Variants in TIAL1 observed in about 807,000 individuals in gnomAD.
TIAL1 encodes TIA1 cytotoxic granule associated RNA binding protein like 1.
TIAL1 carries 7 observed loss-of-function variants against 59.7 expected under a neutral mutation model. The ratio of observed to expected loss-of-function variants is 0.12; its 90% CI spans 0.07 to 0.22. The LOEUF (loss-of-function observed/expected upper bound fraction) is 0.22. Ranked by LOEUF, TIAL1 falls within the 10% of genes least tolerant of loss-of-function variation. The pLI is 1.00. For synonymous variants in TIAL1, 149 were observed against 146.3 expected (o/e 1.02, Z -0.13); for missense variants, 225 against 462.5 (o/e 0.49, Z 4.71).
chr10:119,586,859 A>C (rs1209959325), intron 2 of TIAL1, among the ~76,000 whole-genome samples: 1 of 152,198 alleles, frequency 6.6e-6, no homozygotes, highest in Non-Finnish European at 1.5e-5. Flanking sequence ...GACATCTCTC[A>C]TCACCTAGCC....
At chr10:119,584,042 T>C (rs1019581321) in intron 2 of TIAL1, among the ~76,000 whole-genome samples, 1 of 152,154 alleles carries the variant, frequency 6.6e-6, no homozygotes, top group African/African-American at 2.4e-5. Context: ...ACACTGATAA[T>C]CACAGCAAAA....
chr10:119,576,509 C>T (rs975622655), intron 11 of TIAL1, 102 bp downstream of exon 11: 29 of 1,444,898 alleles, frequency 2.0e-5, no homozygotes, highest in Non-Finnish European at 2.6e-5. Context: ...TGCCAAATAG[C>T]TCAATGTATA....
chr10:119,588,839 C>A (rs912652909), intron 1 of TIAL1, among the ~76,000 whole-genome samples: 1 of 152,130 alleles, frequency 6.6e-6, no homozygotes, highest in Admixed American at 6.5e-5. Flanking sequence ...ATTCTGTACC[C>A]TGGATATCAT....
At chr10:119,590,782 A>G (rs144253274) in intron 1 of TIAL1, among the ~76,000 whole-genome samples, 26 of 131,690 alleles carry the variant, frequency 2.0e-4, no homozygotes, top group African/African-American at 7.5e-4. Flanking sequence ...GAAAGAAAGA[A>G]AGAAAGAAAG....
Position 119,596,639 on chromosome 10 carries a change from CAGGAGGAGCAGG to C in TIAL1, c.-186_-175del. Reference sequence around the variant, plus strand: ...CCCGCTCCGGACACTGCGCTCCAACCAGGAGGAGCAGGAGGAGGAGGAGGATGAACAAAATGG... The same window carrying C: ...CCCGCTCCGGACACTGCGCTCCAACCAGGAGGAGGAGGATGAACAAAATGG... On this transcript the variant is annotated 5_prime_UTR_variant, in exon 1 of 12. Coordinates refer to ENST00000436547, the MANE Select transcript of TIAL1 (RefSeq NM_003252.4). 1.7e-6 allele frequency: 1 copy of C among 600,920 alleles called. No homozygotes were observed. The highest frequency in any genetic ancestry group is 2.9e-6 in the Non-Finnish European group (1 of 338,984). The allele number at this position is 600,920 out of a possible 1,614,324, so 37.2% of individuals were successfully genotyped here.
rs1844954688 is a variant in TIAL1 at position 119,575,713 on chromosome 10, A to C, written c.1080T>G (p.Pro360=). The part of the protein sequence containing the change: ...PQGQAPPPVI[P]PPNQAGYGMA... ...TACCATATCCGGCTTGGTTAGGAGG[A>C]GGTATTACAGGGGGAGGAGCTTGTC... Residue 360 remains proline, a synonymous_variant, in exon 12 of 12, where the codon CCT becomes CCG. Coordinates refer to ENST00000436547, the MANE Select transcript of TIAL1 (RefSeq NM_003252.4). 3.7e-6 allele frequency: 6 copies of C among 1,611,724 alleles called. No individual in the cohort carries two copies. The South Asian group carries it at 4.4e-5, about 12-fold the overall frequency.
At chr10:119,576,202 GAAAAAAAA>G (rs34336844) in intron 11 of TIAL1, among the ~76,000 whole-genome samples, 1 of 109,074 alleles carries the variant, frequency 9.2e-6, no homozygotes, top group Non-Finnish European at 1.9e-5. Flanking sequence ...ATCAACAAAA[GAAAAAAAA>G]AAAAAAAAAA....
Position 119,582,196 on chromosome 10 carries a change from G to C in TIAL1, c.256C>G (p.Pro86Ala), listed in dbSNP as rs1845337982. ...KEVKVNWATT[P>A]SSQKKDTSNH... Reference sequence around the variant, plus strand: ...GAAGTATCTTTTTTCTGGCTACTTGGTGTGGTTGCCCAGTTTACTTTGACC... The same window carrying C: ...GAAGTATCTTTTTTCTGGCTACTTGCTGTGGTTGCCCAGTTTACTTTGACC... Residue 86 changes from proline (P) to alanine (A), a missense_variant, in exon 4 of 12, where the codon CCA becomes GCA. Pro to Ala is a conservative substitution (Grantham distance 27). This residue lies in a region of TIAL1 where 38 missense variants were observed against 173.0 expected (regional missense o/e 0.22). Transcript: ENST00000436547. The surrounding 1 kb of genome is among the most constrained non-coding windows in gnomAD (Gnocchi z 5.1). 1 of 1,606,338 alleles carries C rather than the reference G, an allele frequency of 6.2e-7. No homozygotes were observed. Among genetic ancestry groups the C allele is most frequent in the Non-Finnish European group, 8.5e-7 (1 of 1,177,654 alleles).
chr10:119,588,363 G>C, intron 1 of TIAL1, 115 bp from the exon 2 acceptor site: 1 of 576,598 alleles, frequency 1.7e-6, no homozygotes, highest in Non-Finnish European at 2.8e-6. Flanking sequence ...TTTTTTTTTA[G>C]ATGGAGTTTT....
chr10:119,574,996 A>C lies in TIAL1; in HGVS notation c.*669T>G, dbSNP rs1246515688. 6.6e-6 allele frequency: 1 copy of C among 152,630 alleles called. No individual in the cohort carries two copies. Among genetic ancestry groups the C allele is most frequent in the Non-Finnish European group, 1.5e-5 (1 of 68,034 alleles). The allele number at this position is 152,630 out of a possible 1,614,324, so 9.5% of individuals were successfully genotyped here. A position where few individuals can be genotyped will look rare whatever the true frequency, so the allele number is the denominator to read the frequency against. Reference sequence around the variant, plus strand: ...TAAAATACTACAATTTTAATAATCGACACTTTTGGAAGTTTTAAAAATATG... The same window carrying C: ...TAAAATACTACAATTTTAATAATCGCCACTTTTGGAAGTTTTAAAAATATG... On this transcript the variant is annotated 3_prime_UTR_variant, in exon 12 of 12. Transcript: ENST00000436547.
intron 2 of TIAL1, among the ~76,000 whole-genome samples, chr10:119,586,204 T>A (rs536810461): frequency 1.3e-5 from 2 of 152,286 alleles, no homozygotes; most frequent in South Asian, 4.1e-4. Flanking sequence ...AATTTCTGAT[T>A]CCCACCACTC....
chr10:119,582,754 C>A lies in TIAL1; in HGVS notation c.130-197G>T, dbSNP rs552607115. On this transcript the variant is annotated intron_variant, in intron 2 of 11. Coordinates refer to ENST00000436547, the MANE Select transcript of TIAL1 (RefSeq NM_003252.4). This position sits in a 1 kb window ranked among gnomAD's most constrained non-coding sequence, Gnocchi z 5.1. Reference sequence around the variant, plus strand: ...ACCTCAGAATACTGCTGAACTCAAACGGAACTATAAAAGCAGTTGTAGAAT... The same window carrying A: ...ACCTCAGAATACTGCTGAACTCAAAAGGAACTATAAAAGCAGTTGTAGAAT... 1.2e-5 allele frequency: 8 copies of A among 680,460 alleles called. No individual in the cohort carries two copies. The Admixed American group carries it at 3.0e-4, about 25-fold the overall frequency. The allele number at this position is 680,460 out of a possible 1,614,324, so 42.2% of individuals were successfully genotyped here.
Position 119,576,659 on chromosome 10 carries a change from G to T in TIAL1, c.953C>A (p.Pro318His). 1 of 1,614,134 alleles carries T rather than the reference G, an allele frequency of 6.2e-7. No homozygotes were observed. Among genetic ancestry groups the T allele is most frequent in the Admixed American group, 1.7e-5 (1 of 60,010 alleles). Residue 318 changes from proline (P) to histidine (H), a missense_variant, in exon 11 of 12, where the codon CCT (proline) becomes CAT (histidine). Physicochemically the swap from Pro to His is moderately conservative, Grantham distance 77 (BLOSUM62 -2). This residue lies in a region of TIAL1 where 68 missense variants were observed against 71.3 expected (regional missense o/e 0.95). Transcript: ENST00000436547. ...QYMANGWQVP[P>H]YGVYGQPWNQ... ...CCATGGTTGCCCGTATACTCCATAA[G>T]GCGGTACTTGCCACCCATTTGCCAT...
At chr10:119,590,599 A>G (rs1845800236) in intron 1 of TIAL1, among the ~76,000 whole-genome samples, 2 of 151,950 alleles carry the variant, frequency 1.3e-5, no homozygotes, top group African/African-American at 4.8e-5. Flanking sequence ...AATCCCAGCT[A>G]CTCGGGAGGC....
rs4751746 is a variant in TIAL1, at chr10:119,590,762, G to A, written c.33-2514C>T. Among the ~76,000 whole-genome samples the A allele has an allele frequency of 2.3e-3, 291 of 125,354 alleles. 3 individuals carry two copies. The highest frequency in any genetic ancestry group is 7.1e-3 in the East Asian group (31 of 4,356). 82.2% of individuals were successfully genotyped at this position (125,354 alleles called of 152,430 possible). On this transcript the variant is annotated intron_variant, in intron 1 of 11. Transcript: ENST00000436547. ...AAAGAGAGAGAGACAGAGAGAAAGA[G>A]AGAAAGAAAGAAAGAAAGAAAGAAA...
At chr10:119,575,931 G>T in intron 11 of TIAL1, 140 bp from the exon 12 acceptor site, 3 of 811,394 alleles carry the variant, frequency 3.7e-6, no homozygotes, top group South Asian at 4.6e-5. Flanking sequence ...AAAGATCAAA[G>T]AAATAAATGA....
intron 2 of TIAL1, among the ~76,000 whole-genome samples, chr10:119,585,985 T>TCCA (rs139786515): frequency 0.014 from 2,070 of 152,286 alleles, 40 homozygotes; most frequent in African/African-American, 0.045. Context: ...GTTGAGCTTG[T>TCCA]CCAGGGCTCA....
At chr10:119,589,815 C>T (rs1180229945) in intron 1 of TIAL1, among the ~76,000 whole-genome samples, 4 of 152,308 alleles carry the variant, frequency 2.6e-5, no homozygotes, top group East Asian at 3.9e-4. Context: ...GTATTCTACA[C>T]ATAATTCCTC....
At chr10:119,591,177 G>C (rs1479464639) in intron 1 of TIAL1, among the ~76,000 whole-genome samples, 1 of 152,068 alleles carries the variant, frequency 6.6e-6, no homozygotes, top group Admixed American at 6.6e-5. Context: ...GCCGAGGCAG[G>C]TGGATCACTT....
Sources: allele counts gnomAD v4.1 joint callset (sites outside exome capture counted in the v4.1 genomes callset), GRCh38; gene constraint gnomAD v4.1.1; regional missense constraint gnomAD v4.1.1; non-coding constraint Gnocchi (gnomAD v3.1); transcripts MANE v1.5; gene names NCBI Gene and HGNC (gene_info 2026-07-23, HGNC 2026-07-21).